The following CCNI variants were observed in gnomAD, a reference collection of about 807,000 sequenced individuals.
CCNI encodes the protein cyclin I.
Under a neutral mutation model 34.1 loss-of-function variants are expected in CCNI, and 14 were observed. The ratio of observed to expected loss-of-function variants is 0.41; its 90% CI spans 0.27 to 0.64. The LOEUF (loss-of-function observed/expected upper bound fraction) is 0.64. Ranked by LOEUF, CCNI falls within the 30% of genes least tolerant of loss-of-function variation. CCNI has a pLI of 0.31. For missense variants in CCNI, 385 were observed against 440.5 expected (o/e 0.87, Z 1.13); for synonymous variants, 154 against 158.4 (o/e 0.97, Z 0.21).
At chr4:77,057,342 G>C (rs1166230803) in intron 3 of CCNI, among the ~76,000 whole-genome samples, 1 of 152,182 alleles carries the variant, frequency 6.6e-6, no homozygotes, top group Non-Finnish European at 1.5e-5. Context: ...CAAAGTTGGA[G>C]AAATTTGTGG....
intron 2 of CCNI, among the ~76,000 whole-genome samples, chr4:77,063,393 GAGTT>G (rs1052523111): frequency 3.7e-5 from 5 of 136,304 alleles, no homozygotes; most frequent in Admixed American, 1.5e-4. Flanking sequence ...AGGAAAATAA[GAGTT>G]AGAACTAGAA....
At chr4:77,066,641 C>A (rs1045111599) in intron 1 of CCNI, among the ~76,000 whole-genome samples, 3 of 152,142 alleles carry the variant, frequency 2.0e-5, no homozygotes, top group Non-Finnish European at 1.5e-5. Flanking sequence ...ATTGATGGAA[C>A]CTTTGGACTC....
chr4:77,058,578 G>T lies in CCNI; in HGVS notation c.172C>A (p.Gln58Lys). The stretch of plus-strand genomic sequence containing the variant: ...AATGTTTCTGGGTAAAGGTTGAATT[G>T]GTACTTGAGTTTGGCCAGCCATTGA... ...VIQWLAKLKY[Q>K]FNLYPETFAL... Residue 58 changes from glutamine to lysine, a missense_variant, in exon 3 of 7, where the codon CAA becomes AAA. By Grantham distance (53) the Gln-to-Lys change is moderately conservative. Around this residue, in one of 2 missense-constraint regions of CCNI, gnomAD observed 135 missense variants for 191.8 expected, o/e 0.70. Transcript: ENST00000237654. The T allele has an allele frequency of 6.2e-7, 1 of 1,612,728 alleles. No homozygotes were observed.
At chr4:77,074,109 C>A (rs1729709565) in intron 1 of CCNI, among the ~76,000 whole-genome samples, 1 of 152,150 alleles carries the variant, frequency 6.6e-6, no homozygotes, top group Non-Finnish European at 1.5e-5. Context: ...ATGTATTACA[C>A]AATCAAAACA....
At chr4:77,066,123 C>G in intron 2 of CCNI, 126 bp downstream of exon 2, 1 of 739,302 alleles carries the variant, frequency 1.4e-6, no homozygotes, top group Non-Finnish European at 2.2e-6. Context: ...CAGGGAGAGT[C>G]TCTCAAATAC....
intron 1 of CCNI, among the ~76,000 whole-genome samples, chr4:77,068,262 C>T (rs1242739188): frequency 6.6e-6 from 1 of 152,092 alleles, no homozygotes; most frequent in Non-Finnish European, 1.5e-5. Context: ...AGGTAATTAA[C>T]TTCAGAAAAA....
chr4:77,051,608 T>C (rs530275187), intron 6 of CCNI, among the ~76,000 whole-genome samples: 1 of 152,332 alleles, frequency 6.6e-6, no homozygotes, highest in East Asian at 1.9e-4. Flanking sequence ...AAATTCCTTC[T>C]AATCTAGTAC....
chr4:77,056,285 A>C lies in CCNI; in HGVS notation c.282T>G (p.Cys94Trp). 6.2e-7 allele frequency: 1 copy of C among 1,613,916 alleles called. No homozygotes were observed. The highest frequency in any genetic ancestry group is 8.5e-7 in the Non-Finnish European group (1 of 1,179,804). Residue 94 changes from cysteine to tryptophan, a missense_variant, in exon 4 of 7, where the codon TGT (cysteine) becomes TGG (tryptophan). Transcript: ENST00000237654. Reference sequence around the variant, plus strand: ...CAACAGTCTTGGCAGCTAGGAAAAAACAGCTGATTGCAATACAACTCAAGT... The same window carrying C: ...CAACAGTCTTGGCAGCTAGGAAAAACCAGCTGATTGCAATACAACTCAAGT... ...PKYLSCIAISCFFLAAKTVEE... is the reference protein window; with the variant it reads ...PKYLSCIAISWFFLAAKTVEE...
In CCNI at chr4:77,055,316, G is replaced by A. The variant is rs780220510; in HGVS notation, c.524C>T (p.Ser175Phe). Residue 175 changes from serine (S) to phenylalanine (F), a missense_variant, in exon 6 of 7, where the codon TCT becomes TTT. This residue lies in a region of CCNI where 250 missense variants were observed against 248.7 expected (regional missense o/e 1.01). Transcript: ENST00000237654. Reference sequence around the variant, plus strand: ...CTTGGTAAGGACTGCCAAATGTTGAGATGGGCTCAATTTGGGCAAACTGAA... The same window carrying A: ...CTTGGTAAGGACTGCCAAATGTTGAAATGGGCTCAATTTGGGCAAACTGAA... Reference protein sequence around the residue: ...LLFSLPKLSPSQHLAVLTKQL... With the variant: ...LLFSLPKLSPFQHLAVLTKQL... 10 of 1,614,094 alleles carry A rather than the reference G, an allele frequency of 6.2e-6. No individual in the cohort carries two copies. The highest frequency in any genetic ancestry group is 1.7e-6 in the Non-Finnish European group (2 of 1,180,034).
chr4:77,050,801 G>C (rs1001675879), intron 6 of CCNI, among the ~76,000 whole-genome samples: 7 of 150,282 alleles, frequency 4.7e-5, no homozygotes, highest in Admixed American at 1.3e-4. Flanking sequence ...ACAAAGCACA[G>C]AGAAAGGATG....
rs1729913703 is a variant in CCNI at position 77,075,782 on chromosome 4, C to G, written c.-354G>C. 1 of 154,108 alleles carries G rather than the reference C, an allele frequency of 6.5e-6. No individual in the cohort carries two copies. The highest frequency in any genetic ancestry group is 2.4e-5 in the African/African-American group (1 of 41,150). 9.5% of individuals were successfully genotyped at this position (154,108 alleles called of 1,614,324 possible). On this transcript the variant is annotated 5_prime_UTR_variant, in exon 1 of 7. The change abolishes an upstream ATG in the 5' untranslated region. Coordinates refer to ENST00000237654, the MANE Select transcript of CCNI (RefSeq NM_006835.3). Reference sequence around the variant, plus strand: ...GGGTTGGGAGGGGGCTCCCTCTCGCCATAGGGCGGCGGGGGCCGGGGAGAG... The same window carrying G: ...GGGTTGGGAGGGGGCTCCCTCTCGCGATAGGGCGGCGGGGGCCGGGGAGAG...
At chr4:77,064,679 C>CT (rs78871457) in intron 2 of CCNI, 1,639 of 138,302 alleles carry the variant, frequency 0.012, 29 homozygotes, top group East Asian at 0.04. Flanking sequence ...AATTTTTTTT[C>CT]TTTTTTTTTT....
rs938059925 is a variant in CCNI, at chr4:77,048,032, T to C, written c.*187A>G. 4.4e-6 allele frequency: 2 copies of C among 449,692 alleles called. No homozygotes were observed. The highest frequency in any genetic ancestry group is 4.0e-5 in the African/African-American group (2 of 50,616). The allele number at this position is 449,692 out of a possible 1,614,324, so 27.9% of individuals were successfully genotyped here. On this transcript the variant is annotated 3_prime_UTR_variant, in exon 7 of 7. Transcript: ENST00000237654. ...ATTTCTTTTTTTTTTTTTTGGTCTT[T>C]ATGTGCTTAAATAACGCTGAATTAT...
intron 1 of CCNI, 21 bp downstream of exon 1, chr4:77,075,451 G>GCCCCCC: frequency 1.6e-6 from 1 of 644,924 alleles, no homozygotes; most frequent in Non-Finnish European, 1.9e-6. Flanking sequence ...TCGAGCCCCC[G>GCCCCCC]CCCCCGCCCC....
chr4:77,050,860 A>G (rs1727775230), intron 6 of CCNI, among the ~76,000 whole-genome samples: 1 of 152,120 alleles, frequency 6.6e-6, no homozygotes, highest in Admixed American at 6.6e-5. Flanking sequence ...AAATGAAAGA[A>G]ACTGGGAGTA....
intron 6 of CCNI, among the ~76,000 whole-genome samples, chr4:77,048,892 A>G (rs1727635857): frequency 6.8e-6 from 1 of 147,168 alleles, no homozygotes; most frequent in South Asian, 2.2e-4. Flanking sequence ...TTGGAACTTG[A>G]GTTTTGTATT....
intron 1 of CCNI, among the ~76,000 whole-genome samples, chr4:77,071,990 T>C (rs572948707): frequency 6.6e-6 from 1 of 152,194 alleles, no homozygotes; most frequent in Admixed American, 6.5e-5. Context: ...TAGCAATCTT[T>C]ACAAATTCTT....
intron 3 of CCNI, among the ~76,000 whole-genome samples, chr4:77,057,019 T>C (rs1254897789): frequency 1.3e-5 from 2 of 152,286 alleles, no homozygotes; most frequent in East Asian, 1.9e-4. Context: ...GAAAAAAAGC[T>C]TGATTTAGAA....
intron 2 of CCNI, among the ~76,000 whole-genome samples, chr4:77,066,002 G>C (rs1209769386): frequency 2.0e-5 from 3 of 152,206 alleles, no homozygotes; most frequent in Non-Finnish European, 4.4e-5. Flanking sequence ...TCAGGAGGCT[G>C]AGGTGAGAGG....
Sources: gnomAD v4.1 joint callset for allele counts (sites outside exome capture counted in the v4.1 genomes callset) on GRCh38, gnomAD v4.1.1 for gene constraint, gnomAD v4.1.1 regional missense constraint, MANE v1.5 for transcripts, NCBI Gene and HGNC (gene_info 2026-07-23, HGNC 2026-07-21) for gene names.